Variants in TDRD7 observed in about 807,000 individuals in gnomAD.
TDRD7 encodes the protein tudor domain containing 7, also known as tudor domain-containing protein 7.
Under a neutral mutation model 109.8 loss-of-function variants are expected in TDRD7, and 47 were observed. The observed-to-expected ratio is 0.43, with a 90% CI of 0.34 to 0.55. The LOEUF is 0.55. Ranked by LOEUF, TDRD7 falls within the 20% of genes least tolerant of loss-of-function variation. The probability of loss-of-function intolerance (pLI) is 0.03; values close to 1 mark genes in which losing one functional copy is unlikely to be tolerated. For synonymous variants in TDRD7, 424 were observed against 457.3 expected (o/e 0.93, Z 0.93); for missense variants, 1,164 against 1,319.2 (o/e 0.88, Z 1.82).
intron 8 of TDRD7, among the ~76,000 whole-genome samples, chr9:97,466,811 A>G (rs906148301): frequency 5.9e-5 from 9 of 152,178 alleles, no homozygotes; most frequent in African/African-American, 1.9e-4. Context: ...GCTAATTGCA[A>G]AGGGCAAAAG....
intron 8 of TDRD7, among the ~76,000 whole-genome samples, chr9:97,466,159 G>A (rs75619318): frequency 3.9e-3 from 599 of 152,290 alleles, no homozygotes; most frequent in African/African-American, 0.014. Flanking sequence ...CAAATGACCA[G>A]TCCCTGAACA....
chr9:97,474,918 T>C (rs1828989239), intron 11 of TDRD7, among the ~76,000 whole-genome samples: 1 of 152,224 alleles, frequency 6.6e-6, no homozygotes, highest in Non-Finnish European at 1.5e-5. Context: ...TAACTGGCAC[T>C]GACATACATA....
intron 16 of TDRD7, among the ~76,000 whole-genome samples, chr9:97,488,566 T>TG (rs1181289093): frequency 4.6e-5 from 7 of 151,520 alleles, no homozygotes; most frequent in African/African-American, 1.2e-4. Context: ...AATGGTTTTT[T>TG]TTTTTTTTTT....
intron 8 of TDRD7, among the ~76,000 whole-genome samples, chr9:97,466,254 T>C (rs1264408223): frequency 3.3e-5 from 5 of 152,162 alleles, no homozygotes; most frequent in Admixed American, 3.3e-4. Context: ...TGCTGTTTCT[T>C]AGCAGGTTGC....
chr9:97,462,272 G>T (rs1243556943), intron 7 of TDRD7, among the ~76,000 whole-genome samples: 1 of 152,166 alleles, frequency 6.6e-6, no homozygotes, highest in Non-Finnish European at 1.5e-5. Context: ...GGTTTCTGTT[G>T]TTCACACCAA....
intron 16 of TDRD7, among the ~76,000 whole-genome samples, chr9:97,495,442 G>A (rs1476488822): frequency 6.6e-6 from 1 of 152,080 alleles, no homozygotes; most frequent in East Asian, 1.9e-4. Flanking sequence ...AATGAAACTT[G>A]TTTTTTAGTT....
At chr9:97,493,849 A>G (rs1829346029) in intron 16 of TDRD7, among the ~76,000 whole-genome samples, 1 of 152,220 alleles carries the variant, frequency 6.6e-6, no homozygotes, top group South Asian at 2.1e-4. Context: ...AAGAAGAGAA[A>G]TATGGCTCTG....
At chr9:97,493,845 A>ATATTTCTCCCATTTGCTTTT (rs1455924622) in intron 16 of TDRD7, among the ~76,000 whole-genome samples, 4 of 152,210 alleles carry the variant, frequency 2.6e-5, no homozygotes, top group Non-Finnish European at 5.9e-5. Flanking sequence ...TTGAAAGAAG[A>ATATTTCTCCCATTTGCTTTT]GAAATATGGC....
intron 4 of TDRD7, among the ~76,000 whole-genome samples, chr9:97,433,304 G>A (rs1587863573): frequency 6.6e-6 from 1 of 150,894 alleles, no homozygotes. Context: ...TTTTATAATG[G>A]TATACATTTA....
At chr9:97,441,932 C>G (rs1828314059) in intron 6 of TDRD7, 57 bp downstream of exon 6, 1 of 1,425,520 alleles carries the variant, frequency 7.0e-7, no homozygotes. Flanking sequence ...ACTTTGAGAT[C>G]TTGAGTTATT....
chr9:97,487,069 A>G, intron 15 of TDRD7, 103 bp from the exon 16 acceptor site: 1 of 1,256,776 alleles, frequency 8.0e-7, no homozygotes, highest in Non-Finnish European at 1.1e-6. Context: ...TGATAAACAT[A>G]ATTTGCATTA....
At chr9:97,415,661 A>G (rs1827799174) in intron 1 of TDRD7, among the ~76,000 whole-genome samples, 1 of 152,236 alleles carries the variant, frequency 6.6e-6, no homozygotes, top group Non-Finnish European at 1.5e-5. Flanking sequence ...GCACGAAAGC[A>G]TAAAAAAGAT....
At chr9:97,454,791 C>CT (rs775052892) in intron 6 of TDRD7, among the ~76,000 whole-genome samples, 1 of 152,062 alleles carries the variant, frequency 6.6e-6, no homozygotes, top group East Asian at 1.9e-4. Context: ...CAAGAGCAAA[C>CT]TAATTCAAAA....
chr9:97,464,705 C>T, intron 7 of TDRD7, 137 bp from the exon 8 acceptor site: 1 of 842,004 alleles, frequency 1.2e-6, no homozygotes, highest in Non-Finnish European at 2.0e-6. Context: ...TACACGTTCT[C>T]CTCCCTGTTG....
chr9:97,487,427 G>A lies in TDRD7; in HGVS notation c.3076+95G>A. Reference sequence around the variant, plus strand: ...AAGTACTGAATCATTGGCCTCTTGAGTTTAGGTATGTTGGGTTTTTGTTTT... The same window carrying A: ...AAGTACTGAATCATTGGCCTCTTGAATTTAGGTATGTTGGGTTTTTGTTTT... On this transcript the variant is annotated intron_variant, in intron 16 of 16. Transcript: ENST00000355295. 21 of 1,552,854 alleles carry A rather than the reference G, an allele frequency of 1.4e-5. No individual in the cohort carries two copies. In the South Asian group the frequency reaches 2.2e-4, roughly 17 times the overall value.
At chr9:97,440,808 A>G (rs185005777) in intron 5 of TDRD7, among the ~76,000 whole-genome samples, 1 of 152,186 alleles carries the variant, frequency 6.6e-6, no homozygotes, top group East Asian at 1.9e-4. Context: ...ATATACTCAG[A>G]TCTGTATCTC....
At chr9:97,467,326 T>C (rs1205201346) in intron 8 of TDRD7, among the ~76,000 whole-genome samples, 1 of 152,236 alleles carries the variant, frequency 6.6e-6, no homozygotes, top group Non-Finnish European at 1.5e-5. Context: ...GTCTGAAGTC[T>C]ATAGGGCAGT....
At chr9:97,492,780 A>T (rs927042117) in intron 16 of TDRD7, among the ~76,000 whole-genome samples, 1 of 152,176 alleles carries the variant, frequency 6.6e-6, no homozygotes, top group Non-Finnish European at 1.5e-5. Flanking sequence ...CTTCCTGGGT[A>T]TCACATTATC....
chr9:97,464,747 T>C, intron 7 of TDRD7, 95 bp from the exon 8 acceptor site: 1 of 1,338,518 alleles, frequency 7.5e-7, no homozygotes, highest in South Asian at 1.2e-5. Flanking sequence ...GAACCAAAGA[T>C]GGCAGCAGGG....
Sources: gnomAD v4.1 joint callset for allele counts (sites outside exome capture counted in the v4.1 genomes callset) on GRCh38, gnomAD v4.1.1 for gene constraint, MANE v1.5 for transcripts, NCBI Gene and HGNC (gene_info 2026-07-23, HGNC 2026-07-21) for gene names.